Variants in GALNT18 observed in about 807,000 individuals in gnomAD.
GALNT18 encodes polypeptide N-acetylgalactosaminyltransferase 18, also known as GalNAc-transferase 18.
GALNT18 carries 44 observed loss-of-function variants against 69.5 expected under a neutral mutation model. That is an observed-to-expected ratio of 0.63 (90% CI 0.50 to 0.81). The LOEUF is 0.81. Ranked by LOEUF, GALNT18 falls within the 40% of genes least tolerant of loss-of-function variation. The pLI, the probability that GALNT18 is intolerant of heterozygous loss-of-function variation, is 0.00. For missense variants in GALNT18, 715 were observed against 810.0 expected, an observed-to-expected ratio of 0.88 and a Z score of 1.42; for synonymous variants, 364 against 318.2, an observed-to-expected ratio of 1.14 and a Z score of -1.53.
chr11:11,305,325 A>C (rs1169039042), intron 9 of GALNT18, among the ~76,000 whole-genome samples: 1 of 152,232 alleles, frequency 6.6e-6, no homozygotes, highest in Non-Finnish European at 1.5e-5. Flanking sequence ...AGTAGGGCCC[A>C]GTAAGCCATT....
At chr11:11,400,314 G>A (rs1217390876) in intron 3 of GALNT18, among the ~76,000 whole-genome samples, 1 of 152,186 alleles carries the variant, frequency 6.6e-6, no homozygotes, top group Non-Finnish European at 1.5e-5. Flanking sequence ...ACATGCCTTT[G>A]TTGCTTTAAC....
Position 11,356,988 on chromosome 11 carries a change from A to G in GALNT18, c.1092+15527T>C, listed in dbSNP as rs912608720. ...CCACGGCTGGCTGGTGTGCTAGGGG[A>G]TAACACGCAATAGCCACGGAGCTTC... On this transcript the variant is annotated intron_variant, in intron 6 of 10. Transcript: ENST00000227756. This position sits in a 1 kb window ranked among gnomAD's most constrained non-coding sequence, Gnocchi z 4.4. 3.3e-5 allele frequency among the ~76,000 whole-genome samples: 5 copies of G among 152,112 alleles called. No individual in the cohort carries two copies. Among genetic ancestry groups the G allele is most frequent in the African/African-American group, 1.2e-4 (5 of 41,418 alleles).
rs75229903 is a variant in GALNT18, at chr11:11,370,905, A to T, written c.1092+1610T>A. Among the ~76,000 whole-genome samples, 1,348 of 152,250 alleles carry T rather than the reference A, an allele frequency of 8.9e-3. 15 individuals carry two copies. The highest frequency in any genetic ancestry group is 0.03 in the African/African-American group (1,234 of 41,536). Reference sequence around the variant, plus strand: ...ACAGCAGCTCCTCGTGAAAAATATTATGTTTGGGGTGAGCATTTATCCAGG... The same window carrying T: ...ACAGCAGCTCCTCGTGAAAAATATTTTGTTTGGGGTGAGCATTTATCCAGG... On this transcript the variant is annotated intron_variant, in intron 6 of 10. Coordinates refer to ENST00000227756, the MANE Select transcript of GALNT18 (RefSeq NM_198516.3).
intron 6 of GALNT18, among the ~76,000 whole-genome samples, chr11:11,348,696 T>C (rs994978398): frequency 2.6e-5 from 4 of 152,198 alleles, no homozygotes; most frequent in Non-Finnish European, 2.9e-5. Flanking sequence ...GATCACATTC[T>C]TGGGTTTCTG....
chr11:11,277,705 T>C (rs1415059567), intron 10 of GALNT18, among the ~76,000 whole-genome samples: 1 of 152,222 alleles, frequency 6.6e-6, no homozygotes, highest in Non-Finnish European at 1.5e-5. Flanking sequence ...GTTGTGTCTT[T>C]GTTCTCATTG....
At chr11:11,452,574 T>A (rs948261158) in intron 1 of GALNT18, among the ~76,000 whole-genome samples, 4 of 152,148 alleles carry the variant, frequency 2.6e-5, no homozygotes, top group Non-Finnish European at 4.4e-5. Flanking sequence ...AGACAAGTGG[T>A]CTATGCTTAA....
intron 10 of GALNT18, among the ~76,000 whole-genome samples, chr11:11,282,391 G>C (rs1208145211): frequency 6.6e-6 from 1 of 152,156 alleles, no homozygotes; most frequent in South Asian, 2.1e-4. Context: ...TACTTTACAT[G>C]CCCAATTCCA....
Position 11,340,849 on chromosome 11 carries a change from G to A in GALNT18, c.1248C>T (p.His416=), listed in dbSNP as rs752489000. 31 of 1,613,608 alleles carry A rather than the reference G, an allele frequency of 1.9e-5. No homozygotes were observed. Among genetic ancestry groups the A allele is most frequent in the African/African-American group, 4.0e-5 (3 of 74,914 alleles). The change falls in exon 7 of 11, where the codon CAC becomes CAT. Residue 416 remains histidine, a synonymous_variant. Coordinates refer to ENST00000227756, the MANE Select transcript of GALNT18 (RefSeq NM_198516.3). The surrounding 1 kb of genome is among the most constrained non-coding windows in gnomAD (Gnocchi z 4.2). ...AEVWMDEFKS[H]VYMAWNIPQE... ...GCGGTATGTTCCATGCCATGTAGAC[G>A]TGGCTTTTAAATTCATCCATCCAGA...
chr11:11,491,385 C>T (rs1467950782), intron 1 of GALNT18, among the ~76,000 whole-genome samples: 1 of 152,210 alleles, frequency 6.6e-6, no homozygotes, highest in Non-Finnish European at 1.5e-5. Flanking sequence ...CCAATCTAGT[C>T]ACTGAAAGCA....
intron 1 of GALNT18, among the ~76,000 whole-genome samples, chr11:11,451,073 A>T (rs1855784177): frequency 6.6e-6 from 1 of 152,222 alleles, no homozygotes; most frequent in Non-Finnish European, 1.5e-5. Context: ...GATATACTGA[A>T]GAATAAAATG....
At chr11:11,449,966 AAGAT>A (rs1855755279) in intron 1 of GALNT18, among the ~76,000 whole-genome samples, 1 of 152,240 alleles carries the variant, frequency 6.6e-6, no homozygotes, top group South Asian at 2.1e-4. Flanking sequence ...TGGGGGCTAA[AAGAT>A]AGATCTTGCC....
rs946226387 is a variant in GALNT18 at position 11,465,100 on chromosome 11, T to C, written c.236-16164A>G. On this transcript the variant is annotated intron_variant, in intron 1 of 10. Coordinates refer to ENST00000227756, the MANE Select transcript of GALNT18 (RefSeq NM_198516.3). This position sits in a 1 kb window ranked among gnomAD's most constrained non-coding sequence, Gnocchi z 5.7. Reference sequence around the variant, plus strand: ...CATAAGGCAACTTCTCTATCCTCTCTACGAGGACAGAGAGAATACAGATCC... The same window carrying C: ...CATAAGGCAACTTCTCTATCCTCTCCACGAGGACAGAGAGAATACAGATCC... Among the ~76,000 whole-genome samples, 7 of 152,116 alleles carry C rather than the reference T, an allele frequency of 4.6e-5. No homozygotes were observed. Among genetic ancestry groups the C allele is most frequent in the Non-Finnish European group, 7.4e-5 (5 of 68,024 alleles).
intron 6 of GALNT18, among the ~76,000 whole-genome samples, chr11:11,362,001 A>G (rs1850655239): frequency 6.6e-6 from 1 of 152,214 alleles, no homozygotes; most frequent in South Asian, 2.1e-4. Context: ...TGAAACCAAA[A>G]TAGAAAATCC....
At chr11:11,362,151 T>C (rs1850658174) in intron 6 of GALNT18, among the ~76,000 whole-genome samples, 1 of 152,156 alleles carries the variant, frequency 6.6e-6, no homozygotes, top group African/African-American at 2.4e-5. Flanking sequence ...TTGGATCCAT[T>C]CCTCACACCA....
intron 1 of GALNT18, among the ~76,000 whole-genome samples, chr11:11,481,030 T>C (rs1856516073): frequency 6.6e-6 from 1 of 152,144 alleles, no homozygotes; most frequent in Non-Finnish European, 1.5e-5. Flanking sequence ...TCCAAGTTCC[T>C]CAGCACCGAC....
At chr11:11,472,594 G>GAC (rs1259557173) in intron 1 of GALNT18, among the ~76,000 whole-genome samples, 1 of 6,612 alleles carries the variant, frequency 1.5e-4, no homozygotes, top group Non-Finnish European at 5.7e-3. Flanking sequence ...GTGAAACAAA[G>GAC]ATAGACCAGA....
chr11:11,342,308 T>C (rs527781910), intron 6 of GALNT18, among the ~76,000 whole-genome samples: 10 of 152,340 alleles, frequency 6.6e-5, no homozygotes, highest in African/African-American at 2.4e-4. Flanking sequence ...TGGTTAGAGC[T>C]GATGAATGTG....
chr11:11,437,330 T>TAA (rs569299617), intron 2 of GALNT18, among the ~76,000 whole-genome samples: 40 of 152,074 alleles, frequency 2.6e-4, no homozygotes, highest in South Asian at 4.2e-4. Flanking sequence ...CCACTAGAGA[T>TAA]AAAAAAAACA....
At chr11:11,438,950 G>T (rs2133805282) in intron 2 of GALNT18, among the ~76,000 whole-genome samples, 1 of 152,250 alleles carries the variant, frequency 6.6e-6, no homozygotes, top group East Asian at 1.9e-4. Context: ...CTGTTGTGTG[G>T]CATCTCCATT....
Sources: allele counts gnomAD v4.1 joint callset (sites outside exome capture counted in the v4.1 genomes callset), GRCh38; gene constraint gnomAD v4.1.1; non-coding constraint Gnocchi (gnomAD v3.1); transcripts MANE v1.5; gene names NCBI Gene and HGNC (gene_info 2026-07-23, HGNC 2026-07-21).